Variants in DENND4C observed in about 807,000 individuals in gnomAD.
DENND4C encodes the protein DENN domain containing 4C.
DENND4C carries 108 observed loss-of-function variants against 203.0 expected under a neutral mutation model. That is an observed-to-expected ratio of 0.53 (90% CI 0.46 to 0.62). DENND4C has a LOEUF of 0.62. Among genes scored for constraint, DENND4C ranks in the 20% least tolerant of loss-of-function variants. DENND4C has a pLI of 0.00. For synonymous variants in DENND4C, 871 were observed against 792.4 expected, an observed-to-expected ratio of 1.10 and a Z score of -1.67; for missense variants, 2,481 against 2,301.2, an observed-to-expected ratio of 1.08 and a Z score of -1.60.
chr9:19,305,412 G>A lies in DENND4C; in HGVS notation c.1372G>A (p.Ala458Thr). Residue 458 changes from alanine to threonine, a missense_variant, in exon 10 of 33, where the codon GCA (alanine) becomes ACA (threonine). Ala to Thr is a moderately conservative substitution (Grantham distance 58, BLOSUM62 0). Coordinates refer to ENST00000434457, the MANE Select transcript of DENND4C (RefSeq NM_001330640.2). The stretch of plus-strand genomic sequence containing the variant: ...TCCCCTTTGTCCTCTTTCACTGGCT[G>A]CAGTGCTTAGTGCACCTTTACCATT... ...YIPLCPLSLA[A>T]VLSAPLPFIV... 6.2e-7 allele frequency: 1 copy of A among 1,613,784 alleles called. No homozygotes were observed. The highest frequency in any genetic ancestry group is 8.5e-7 in the Non-Finnish European group (1 of 1,179,838).
intron 31 of DENND4C, chr9:19,371,490 A>G (rs1168766125): frequency 8.1e-6 from 2 of 245,962 alleles, no homozygotes; most frequent in Non-Finnish European, 7.7e-6. Context: ...CTTTATGCCC[A>G]TTAACTATGT....
chr9:19,344,550 A>G (rs1822374727), intron 22 of DENND4C, among the ~76,000 whole-genome samples: 1 of 151,084 alleles, frequency 6.6e-6, no homozygotes, highest in Admixed American at 6.6e-5. Flanking sequence ...GCTGGAGTGT[A>G]GTGGCACAGT....
chr9:19,355,903 T>C (rs1825292372), intron 26 of DENND4C, among the ~76,000 whole-genome samples: 1 of 152,174 alleles, frequency 6.6e-6, no homozygotes. Context: ...TCTTCTTTTA[T>C]GTCCTTTAAC....
In DENND4C at chr9:19,361,964, G is replaced by C; in HGVS notation, c.5524+1G>C. 1 of 1,540,774 alleles carries C rather than the reference G, an allele frequency of 6.5e-7. No individual in the cohort carries two copies. ...CTGTATGTCTCATGGAGGAATTTTAGTAAGTAAAATAGAATTAAAGACATA... is the reference window on the plus strand; with the variant it reads ...CTGTATGTCTCATGGAGGAATTTTACTAAGTAAAATAGAATTAAAGACATA... On this transcript the variant is annotated splice_donor_variant, in intron 30 of 32. Transcript: ENST00000434457. LOFTEE classifies it high-confidence loss of function.
At chr9:19,270,364 G>T (rs774312119) in intron 1 of DENND4C, among the ~76,000 whole-genome samples, 1 of 152,138 alleles carries the variant, frequency 6.6e-6, no homozygotes, top group African/African-American at 2.4e-5. Flanking sequence ...TTCCCTTTTG[G>T]CCTAGGATGG....
rs981947323 is a variant in DENND4C at position 19,358,867 on chromosome 9, C to T, written c.5160+707C>T. Among the ~76,000 whole-genome samples, 2 of 151,652 alleles carry T rather than the reference C, an allele frequency of 1.3e-5. No homozygotes were observed. The highest frequency in any genetic ancestry group is 2.4e-5 in the African/African-American group (1 of 41,006). On this transcript the variant is annotated intron_variant, in intron 28 of 32. Coordinates refer to ENST00000434457, the MANE Select transcript of DENND4C (RefSeq NM_001330640.2). This position sits in a 1 kb window ranked among gnomAD's most constrained non-coding sequence, Gnocchi z 4.8. ...GATTTGGGGTTTTTGTGTTAGTGTT[C>T]ATTTGCTTGTTTATTTTTGTAAGAC...
intron 1 of DENND4C, among the ~76,000 whole-genome samples, chr9:19,262,448 C>T (rs1159513529): frequency 6.0e-5 from 8 of 134,192 alleles, no homozygotes; most frequent in Admixed American, 1.5e-4. Flanking sequence ...TATATCATAT[C>T]TTTTTTTTTT....
Position 19,328,105 on chromosome 9 carries a change from C to A in DENND4C, c.2196C>A (p.His732Gln), listed in dbSNP as rs746661267. 1.2e-6 allele frequency: 2 copies of A among 1,613,568 alleles called. No homozygotes were observed. The highest frequency in any genetic ancestry group is 1.1e-5 in the South Asian group (1 of 91,060). The change falls in exon 16 of 33, where the codon CAC (histidine) becomes CAA (glutamine). Residue 732 changes from histidine (H) to glutamine (Q), a missense_variant. Physicochemically the swap from His to Gln is conservative, Grantham distance 24. Transcript: ENST00000434457. ...PQELKLCFSR[H>Q]PTGNSITKSP... ...AGTTGAAACTTTGTTTTAGTAGACA[C>A]CCTACTGGGAATAGCATTACAAAGA... is the stretch of plus-strand genomic sequence containing the variant.
intron 1 of DENND4C, among the ~76,000 whole-genome samples, chr9:19,253,069 T>A (rs1827048293): frequency 6.6e-6 from 1 of 152,348 alleles, no homozygotes; most frequent in South Asian, 2.1e-4. Flanking sequence ...AAATTAAAAG[T>A]GATTCCTCTC....
chr9:19,357,027 T>G lies in DENND4C; in HGVS notation c.4837T>G (p.Leu1613Val). ...CAGTTTACAAAGTGGAAGCATTCCA[T>G]TGGCAAATGAATCCTTGGAGCACAA... ...GDSLQSGSIP[L>V]ANESLEHKPV... The change falls in exon 27 of 33, where the codon TTG becomes GTG. Residue 1613 changes from leucine to valine, a missense_variant. This residue lies in a region of DENND4C where 2,289 missense variants were observed against 2,113.3 expected (regional missense o/e 1.08). Coordinates refer to ENST00000434457, the MANE Select transcript of DENND4C (RefSeq NM_001330640.2). The G allele has an allele frequency of 1.2e-6, 2 of 1,614,000 alleles. No homozygotes were observed. Among genetic ancestry groups the G allele is most frequent in the Non-Finnish European group, 1.7e-6 (2 of 1,179,918 alleles).
chr9:19,373,869 C>CT lies in DENND4C; in HGVS notation c.*1699dup, dbSNP rs1487510372. ...TACAAATTATAGTTATTGTACCAGT[C>CT]TTTCAACATTTCAGGGTTAATCTGA... On this transcript the variant is annotated 3_prime_UTR_variant, in exon 33 of 33. Coordinates refer to ENST00000434457, the MANE Select transcript of DENND4C (RefSeq NM_001330640.2). Among the ~76,000 whole-genome samples the CT allele has an allele frequency of 1.3e-5, 2 of 152,174 alleles. No homozygotes were observed. Among genetic ancestry groups the CT allele is most frequent in the Non-Finnish European group, 2.9e-5 (2 of 68,002 alleles).
chr9:19,346,478 A>G lies in DENND4C; in HGVS notation c.3709A>G (p.Ile1237Val), dbSNP rs1822912179. 2 of 1,614,172 alleles carry G rather than the reference A, an allele frequency of 1.2e-6. No homozygotes were observed. Among genetic ancestry groups the G allele is most frequent in the Non-Finnish European group, 1.7e-6 (2 of 1,180,022 alleles). ...GAATAAGAGAAGTAGTTTATATGGT[A>G]TTGCTAAGGTGGTTCAGAGGGAAGA... ...LRNKRSSLYGIAKVVQREDVE... is the reference protein window; with the variant it reads ...LRNKRSSLYGVAKVVQREDVE... The change falls in exon 23 of 33, where the codon ATT becomes GTT. Residue 1237 changes from isoleucine (I) to valine (V), a missense_variant. This residue lies in a region of DENND4C where 2,289 missense variants were observed against 2,113.3 expected (regional missense o/e 1.08). Coordinates refer to ENST00000434457, the MANE Select transcript of DENND4C (RefSeq NM_001330640.2).
chr9:19,370,608 C>CT (rs1297258378), intron 31 of DENND4C, among the ~76,000 whole-genome samples: 1 of 152,160 alleles, frequency 6.6e-6, no homozygotes, highest in East Asian at 1.9e-4. Context: ...TATTCAGGGC[C>CT]TGTGATACCC....
At chr9:19,334,327 A>G (rs1819938547) in intron 17 of DENND4C, among the ~76,000 whole-genome samples, 1 of 152,062 alleles carries the variant, frequency 6.6e-6, no homozygotes, top group African/African-American at 2.4e-5. Flanking sequence ...CTGGGATTAC[A>G]GGCATGAGCT....
chr9:19,323,385 A>G (rs939425782), intron 12 of DENND4C, among the ~76,000 whole-genome samples: 3 of 151,578 alleles, frequency 2.0e-5, no homozygotes, highest in African/African-American at 4.9e-5. Flanking sequence ...AGCCAAGATC[A>G]CATTACTGCA....
chr9:19,231,709 T>C (rs1325409410), intron 1 of DENND4C, among the ~76,000 whole-genome samples: 1 of 152,030 alleles, frequency 6.6e-6, no homozygotes, highest in Non-Finnish European at 1.5e-5. Flanking sequence ...CCGCGGGTAC[T>C]TGTGCAAATT....
intron 12 of DENND4C, among the ~76,000 whole-genome samples, chr9:19,321,686 A>G (rs188949056): frequency 9.9e-5 from 15 of 152,020 alleles, no homozygotes; most frequent in African/African-American, 3.4e-4. Context: ...CTCTACTAAA[A>G]ATACAAAAAT....
intron 13 of DENND4C, among the ~76,000 whole-genome samples, chr9:19,325,726 C>T (rs1817677774): frequency 6.6e-6 from 1 of 152,080 alleles, no homozygotes; most frequent in Admixed American, 6.6e-5. Context: ...TACAAAACAA[C>T]TAATCAAAAT....
chr9:19,240,597 C>T (rs994360865), intron 1 of DENND4C, among the ~76,000 whole-genome samples: 13 of 151,030 alleles, frequency 8.6e-5, no homozygotes, highest in African/African-American at 2.9e-4. Context: ...ACCTGGGACA[C>T]GGAGGTTGCA....
Sources: gnomAD v4.1 joint callset for allele counts (sites outside exome capture counted in the v4.1 genomes callset) on GRCh38, gnomAD v4.1.1 for gene constraint, gnomAD v4.1.1 regional missense constraint, Gnocchi (gnomAD v3.1) non-coding constraint, MANE v1.5 for transcripts, NCBI Gene and HGNC (gene_info 2026-07-23, HGNC 2026-07-21) for gene names.